Variants in MOSPD2 observed in about 807,000 individuals in gnomAD.
The protein encoded by MOSPD2 is motile sperm domain containing 2, also known as motile sperm domain-containing protein 2.
A neutral mutation model predicts 41.7 loss-of-function variants in MOSPD2; 5 were observed. The ratio of observed to expected loss-of-function variants is 0.12; its 90% confidence interval spans 0.06 to 0.25. The LOEUF (loss-of-function observed/expected upper bound fraction) is 0.25. Ranked by LOEUF, MOSPD2 falls within the 10% of genes least tolerant of loss-of-function variation. MOSPD2 has a pLI of 1.00. For synonymous variants in MOSPD2, 115 were observed against 126.9 expected, an observed-to-expected ratio of 0.91 and a Z score of 0.63; for missense variants, 282 against 375.2, an observed-to-expected ratio of 0.75 and a Z score of 2.05.
intron 7 of MOSPD2, among the ~76,000 whole-genome samples, chrX:14,903,918 T>C (rs2092577372): frequency 8.9e-6 from 1 of 111,817 alleles, no homozygotes; most frequent in South Asian, 3.6e-4. Flanking sequence ...CTACATGAAG[T>C]GAACAAATTC....
At chrX:14,908,260 ACT>A (rs1324067248) in intron 7 of MOSPD2, among the ~76,000 whole-genome samples, 1 of 111,346 alleles carries the variant, frequency 9.0e-6, no homozygotes, top group Non-Finnish European at 1.9e-5. Flanking sequence ...ACAGAGTGAG[ACT>A]CTGTCTCAAA....
intron 9 of MOSPD2, among the ~76,000 whole-genome samples, chrX:14,911,947 G>T (rs1420858671): frequency 1.8e-5 from 2 of 112,012 alleles, no homozygotes; most frequent in Non-Finnish European, 3.8e-5. Context: ...ACATCTAGAA[G>T]TAATTGTTTT....
intron 10 of MOSPD2, among the ~76,000 whole-genome samples, chrX:14,912,931 CAT>C (rs1163554946): frequency 8.9e-6 from 1 of 112,047 alleles, no homozygotes; most frequent in African/African-American, 3.2e-5. Flanking sequence ...TTTATGATCT[CAT>C]GTAGCATTTT....
At chrX:14,899,065 G>A (rs914178334) in intron 5 of MOSPD2, among the ~76,000 whole-genome samples, 1 of 96,317 alleles carries the variant, frequency 1.0e-5, no homozygotes, top group East Asian at 2.9e-4. Flanking sequence ...ATTATTCAGC[G>A]GCCATCCTTC....
rs1316031590 is a variant in MOSPD2, at chrX:14,920,705, T to C, written c.*896T>C. The stretch of plus-strand genomic sequence containing the variant: ...AGTCTCTGTGGACCATGAATTGCAC[T>C]GTCTCCCTCCTCATTTCTAAATGAA... On this transcript the variant is annotated 3_prime_UTR_variant, in exon 15 of 15. Transcript: ENST00000380492. 1 of 751,869 alleles carries C rather than the reference T, an allele frequency of 1.3e-6. No homozygotes were observed. Among genetic ancestry groups the C allele is most frequent in the East Asian group, 1.5e-4 (1 of 6,620 alleles). The allele number at this position is 751,869 out of a possible 1,213,427, so 62.0% of individuals were successfully genotyped here. A position where few individuals can be genotyped will look rare whatever the true frequency, so the allele number is the denominator to read the frequency against.
chrX:14,906,653 G>A (rs1170554035), intron 7 of MOSPD2, among the ~76,000 whole-genome samples: 2 of 111,983 alleles, frequency 1.8e-5, no homozygotes, highest in Non-Finnish European at 3.8e-5. Context: ...TCTCAGAATG[G>A]AAGAAATCAT....
intron 2 of MOSPD2, among the ~76,000 whole-genome samples, chrX:14,887,724 A>C (rs1172116766): frequency 9.0e-6 from 1 of 111,503 alleles, no homozygotes; most frequent in Non-Finnish European, 1.9e-5. Context: ...TTTTATTTAA[A>C]AAATTGTGTG....
At chrX:14,878,855 G>A (rs1195331044) in intron 2 of MOSPD2, among the ~76,000 whole-genome samples, 3 of 111,497 alleles carry the variant, frequency 2.7e-5, no homozygotes, top group Non-Finnish European at 3.8e-5. Context: ...TGTATAAAAC[G>A]TGAATAAAAT....
At chrX:14,914,279 T>C (rs1482133277) in intron 10 of MOSPD2, among the ~76,000 whole-genome samples, 2 of 112,025 alleles carry the variant, frequency 1.8e-5, no homozygotes, top group Non-Finnish European at 3.8e-5. Context: ...TGGTTTGCTT[T>C]TGATCTTGGG....
chrX:14,873,836 T>C lies in MOSPD2; in HGVS notation c.79+78T>C, dbSNP rs752585526. 5 of 863,722 alleles carry C rather than the reference T, an allele frequency of 5.8e-6. No individual in the cohort carries two copies. In the East Asian group the frequency reaches 1.2e-4, roughly 21 times the overall value. 71.2% of individuals were successfully genotyped at this position (863,722 alleles called of 1,213,427 possible). Reference sequence around the variant, plus strand: ...TTTGCTGGAGTGTTTGTGAGTGTATTTGTGGGAGGTGTTAGGGACCCTTTC... The same window carrying C: ...TTTGCTGGAGTGTTTGTGAGTGTATCTGTGGGAGGTGTTAGGGACCCTTTC... On this transcript the variant is annotated intron_variant, in intron 2 of 14. Transcript: ENST00000380492.
In MOSPD2 at chrX:14,876,286, C is replaced by T. The variant is rs192018254; in HGVS notation, c.79+2528C>T. The stretch of plus-strand genomic sequence containing the variant: ...ACATCCACTTTCCTTCTTTTTCTTT[C>T]ACCCTTTCTATTGTCATTAACAATA... On this transcript the variant is annotated intron_variant, in intron 2 of 14. Transcript: ENST00000380492. Among the ~76,000 whole-genome samples, 280 of 112,112 alleles carry T rather than the reference C, an allele frequency of 2.5e-3. 2 individuals are homozygous for T. The highest frequency in any genetic ancestry group is 8.4e-3 in the African/African-American group (259 of 30,880).
chrX:14,899,441 T>C (rs16979704), intron 5 of MOSPD2, among the ~76,000 whole-genome samples: 2,670 of 108,395 alleles, frequency 0.025, 71 homozygotes, highest in African/African-American at 0.084. Context: ...GCTATTTTCT[T>C]TGACTGTTAC....
intron 7 of MOSPD2, among the ~76,000 whole-genome samples, chrX:14,905,954 T>C (rs1453823572): frequency 8.9e-6 from 1 of 111,829 alleles, no homozygotes; most frequent in African/African-American, 3.3e-5. Flanking sequence ...CAAAAATCCA[T>C]GGATGTGAAA....
intron 8 of MOSPD2, among the ~76,000 whole-genome samples, chrX:14,909,974 G>T (rs1401189147): frequency 9.1e-6 from 1 of 110,239 alleles, no homozygotes; most frequent in East Asian, 2.8e-4. Flanking sequence ...TCATAAAATT[G>T]TTATATCTTA....
chrX:14,900,475 A>G, intron 5 of MOSPD2, 100 bp from the exon 6 acceptor site: 1 of 361,300 alleles, frequency 2.8e-6, no homozygotes, highest in Non-Finnish European at 4.9e-6. Flanking sequence ...AAAGAATTTA[A>G]TAATTGTCTC....
chrX:14,873,593 G>C, intron 1 of MOSPD2, 56 bp downstream of exon 1: 1 of 1,210,404 alleles, frequency 8.3e-7, no homozygotes, highest in African/African-American at 1.7e-5. Flanking sequence ...CGCCTCTGAG[G>C]CCCGGGGACC....
Position 14,919,821 on chromosome X carries a change from C to T in MOSPD2, c.*12C>T, listed in dbSNP as rs767887291. ...TATTGTACAGTTAAAGAAGTGGTGCCGGGTAGGAACCACGGTTCCTTCGTC... is the reference window on the plus strand; with the variant it reads ...TATTGTACAGTTAAAGAAGTGGTGCTGGGTAGGAACCACGGTTCCTTCGTC... On this transcript the variant is annotated 3_prime_UTR_variant, in exon 15 of 15. Transcript: ENST00000380492. The T allele has an allele frequency of 3.4e-6, 4 of 1,192,213 alleles. No homozygotes were observed. The highest frequency in any genetic ancestry group is 3.7e-5 in the South Asian group (2 of 53,405).
chrX:14,893,020 A>G, intron 3 of MOSPD2, 142 bp downstream of exon 3: 1 of 432,420 alleles, frequency 2.3e-6, no homozygotes. Flanking sequence ...ACCCAGTAAT[A>G]TTTTCAAAGG....
chrX:14,900,856 T>C (rs1279419829), intron 6 of MOSPD2, among the ~76,000 whole-genome samples: 3 of 111,741 alleles, frequency 2.7e-5, no homozygotes, highest in Admixed American at 1.9e-4. Context: ...GTTTAAGTTC[T>C]AAACTATATA....
Sources: gnomAD v4.1 joint callset for allele counts (sites outside exome capture counted in the v4.1 genomes callset) on GRCh38, gnomAD v4.1.1 for gene constraint, MANE v1.5 for transcripts, NCBI Gene and HGNC (gene_info 2026-07-23, HGNC 2026-07-21) for gene names.